Variants in ADARB2 observed in about 807,000 individuals in gnomAD.
ADARB2 encodes adenosine deaminase RNA specific B2 (inactive).
ADARB2 carries 25 observed loss-of-function variants against 62.2 expected under a neutral mutation model. That is an observed-to-expected ratio of 0.40 (90% CI 0.29 to 0.56). ADARB2 has a LOEUF of 0.56. ADARB2 is among the 20% of genes least tolerant of loss of function. The pLI is 0.43. For synonymous variants in ADARB2, 572 were observed against 500.8 expected (o/e 1.14, Z -1.90); for missense variants, 1,071 against 1,077.4 (o/e 0.99, Z 0.08).
intron 3 of ADARB2, among the ~76,000 whole-genome samples, chr10:1,337,062 CTGTGTGTGTG>C (rs145511384): frequency 2.1e-5 from 3 of 142,044 alleles, no homozygotes; most frequent in South Asian, 2.3e-4. Flanking sequence ...TTAAAGATTT[CTGTGTGTGTG>C]TGTGTGTGTG....
intron 3 of ADARB2, among the ~76,000 whole-genome samples, chr10:1,330,618 A>C (rs1242580194): frequency 1.3e-5 from 2 of 152,230 alleles, no homozygotes; most frequent in Non-Finnish European, 2.9e-5. Flanking sequence ...CGTTGCACTG[A>C]AGGTTCCAGA....
At chr10:1,529,190 G>C (rs34606606) in intron 1 of ADARB2, among the ~76,000 whole-genome samples, 2,497 of 59,496 alleles carry the variant, frequency 0.042, 122 homozygotes, top group East Asian at 0.26. Flanking sequence ...CACGCACCAT[G>C]CCCAACACCA....
chr10:1,326,836 CCA>C (rs1564257849), intron 3 of ADARB2, among the ~76,000 whole-genome samples: 1 of 90,338 alleles, frequency 1.1e-5, no homozygotes, highest in Admixed American at 1.0e-4. Context: ...CAGCGCCTCC[CCA>C]CGGCCCAGCG....
rs1291086242 is a variant in ADARB2, at chr10:1,725,282, T to C, written c.100+11769A>G. On this transcript the variant is annotated intron_variant, in intron 1 of 9. Transcript: ENST00000381312. Reference sequence around the variant, plus strand: ...CACGTCCCTGACTCCTGAACCGGAGTGGTCTCGCGATGTCACATGGCTGTG... The same window carrying C: ...CACGTCCCTGACTCCTGAACCGGAGCGGTCTCGCGATGTCACATGGCTGTG... 2.6e-5 allele frequency among the ~76,000 whole-genome samples: 4 copies of C among 151,964 alleles called. No homozygotes were observed. In the South Asian group the frequency reaches 8.3e-4, roughly 32 times the overall value.
intron 1 of ADARB2, among the ~76,000 whole-genome samples, chr10:1,504,486 G>A (rs983402948): frequency 2.4e-4 from 36 of 152,314 alleles, no homozygotes; most frequent in African/African-American, 7.9e-4. Flanking sequence ...TAGCCAGCCC[G>A]GCCCTGTTAG....
chr10:1,177,529 A>G lies in ADARB2; in HGVS notation c.*5664T>C, dbSNP rs1313873671. ...GTACATACCTTCAATTAGAATTACT[A>G]TGTGTTAAGTTCATTTTGCTTACAA... On this transcript the variant is annotated 3_prime_UTR_variant, in exon 10 of 10. Coordinates refer to ENST00000381312, the MANE Select transcript of ADARB2 (RefSeq NM_018702.4). 1.3e-5 allele frequency: 2 copies of G among 152,142 alleles called. No individual in the cohort carries two copies. 9.4% of individuals were successfully genotyped at this position (152,142 alleles called of 1,614,324 possible).
intron 3 of ADARB2, among the ~76,000 whole-genome samples, chr10:1,343,819 A>C (rs1201463989): frequency 6.6e-6 from 1 of 152,174 alleles, no homozygotes; most frequent in African/African-American, 2.4e-5. Context: ...GGAGCGAAAC[A>C]CTGGGCACCT....
At chr10:1,395,695 A>T (rs1832606690) in intron 1 of ADARB2, among the ~76,000 whole-genome samples, 1 of 152,154 alleles carries the variant, frequency 6.6e-6, no homozygotes. Context: ...CCGGCGTCGC[A>T]GACCATCCCT....
intron 7 of ADARB2, among the ~76,000 whole-genome samples, chr10:1,200,768 T>G (rs1465736200): frequency 6.6e-6 from 1 of 152,118 alleles, no homozygotes; most frequent in Non-Finnish European, 1.5e-5. Context: ...CCCCTTAAAT[T>G]TGGGTGGCAA....
intron 1 of ADARB2, among the ~76,000 whole-genome samples, chr10:1,606,447 G>A (rs1041240227): frequency 1.3e-5 from 2 of 152,192 alleles, no homozygotes; most frequent in African/African-American, 2.4e-5. Flanking sequence ...AGGAAGGGAC[G>A]TGGGAAAGGT....
intron 1 of ADARB2, among the ~76,000 whole-genome samples, chr10:1,471,031 C>T (rs550630516): frequency 6.8e-4 from 104 of 152,270 alleles, no homozygotes; most frequent in Non-Finnish European, 1.4e-3. Flanking sequence ...TGCACTCCAG[C>T]CTGGGCAACA....
At chr10:1,321,724 TCA>T (rs1238095151) in intron 3 of ADARB2, among the ~76,000 whole-genome samples, 1 of 152,222 alleles carries the variant, frequency 6.6e-6, no homozygotes, top group Non-Finnish European at 1.5e-5. Context: ...AAACAAATCA[TCA>T]TACTCTGTTC....
intron 1 of ADARB2, among the ~76,000 whole-genome samples, chr10:1,508,770 G>C (rs1588282029): frequency 6.6e-6 from 1 of 152,262 alleles, no homozygotes; most frequent in Non-Finnish European, 1.5e-5. Context: ...GTGACAGAGC[G>C]AGACTCCATC....
intron 1 of ADARB2, among the ~76,000 whole-genome samples, chr10:1,696,515 A>G (rs1017619373): frequency 3.9e-5 from 6 of 152,144 alleles, no homozygotes; most frequent in African/African-American, 9.7e-5. Flanking sequence ...CCCCATTCCT[A>G]ACATTGTGAT....
intron 1 of ADARB2, among the ~76,000 whole-genome samples, chr10:1,685,668 A>G (rs1031010102): frequency 6.6e-6 from 1 of 152,242 alleles, no homozygotes; most frequent in Non-Finnish European, 1.5e-5. Flanking sequence ...CATACAGCAC[A>G]AAGTCAACAG....
intron 1 of ADARB2, among the ~76,000 whole-genome samples, chr10:1,407,466 G>T (rs921142472): frequency 2.4e-4 from 37 of 152,204 alleles, no homozygotes; most frequent in African/African-American, 8.7e-4. Flanking sequence ...TCTCTGCAGG[G>T]CTAGGCTGCC....
At position 1,182,376 on chromosome 10, in the gene ADARB2, C is replaced by T. The variant is rs1041051784; in HGVS notation, c.*817G>A. On this transcript the variant is annotated 3_prime_UTR_variant, in exon 10 of 10. Coordinates refer to ENST00000381312, the MANE Select transcript of ADARB2 (RefSeq NM_018702.4). ...TTCCGGGCTCCCCACATCTGCAGCA[C>T]GCGTGGGCCGGGTGTTTCCAGACTC... 1 of 152,764 alleles carries T rather than the reference C, an allele frequency of 6.5e-6. No homozygotes were observed. Among genetic ancestry groups the T allele is most frequent in the African/African-American group, 2.5e-5 (1 of 40,806 alleles). 9.5% of individuals were successfully genotyped at this position (152,764 alleles called of 1,614,324 possible).
chr10:1,710,186 A>G (rs1834933664), intron 1 of ADARB2, among the ~76,000 whole-genome samples: 1 of 152,302 alleles, frequency 6.6e-6, no homozygotes, highest in South Asian at 2.1e-4. Context: ...CTCACAGGCC[A>G]GCAGTAGCTA....
intron 7 of ADARB2, among the ~76,000 whole-genome samples, chr10:1,211,085 GCTCCCTCC>G (rs372826274): frequency 1.3e-5 from 2 of 151,882 alleles, no homozygotes; most frequent in Non-Finnish European, 2.9e-5. Flanking sequence ...GCCTCCCATC[GCTCCCTCC>G]CTCCCTCCCT....
Sources: gnomAD v4.1 joint callset for allele counts (sites outside exome capture counted in the v4.1 genomes callset) on GRCh38, gnomAD v4.1.1 for gene constraint, MANE v1.5 for transcripts, NCBI Gene and HGNC (gene_info 2026-07-23, HGNC 2026-07-21) for gene names.